VPS50: variants seen among roughly 807,000 people sequenced by gnomAD.
VPS50 encodes the protein syndetin.
Under a neutral mutation model 139.7 loss-of-function variants are expected in VPS50, and 70 were observed. The ratio of observed to expected loss-of-function variants is 0.50; its 90% CI spans 0.41 to 0.61. The LOEUF is 0.61. Among genes scored for constraint, VPS50 ranks in the 20% least tolerant of loss-of-function variants. The pLI is 0.00. For missense variants in VPS50, 921 were observed against 1,133.7 expected (o/e 0.81, Z 2.69); for synonymous variants, 365 against 376.7 (o/e 0.97, Z 0.36).
chr7:93,280,718 T>G (rs1489111427), intron 12 of VPS50, among the ~76,000 whole-genome samples: 1 of 152,150 alleles, frequency 6.6e-6, no homozygotes, highest in Non-Finnish European at 1.5e-5. Context: ...TTCAAGATGC[T>G]AATTAGGATG....
At chr7:93,333,006 G>A (rs1420489450) in intron 21 of VPS50, among the ~76,000 whole-genome samples, 1 of 152,058 alleles carries the variant, frequency 6.6e-6, no homozygotes, top group Non-Finnish European at 1.5e-5. Flanking sequence ...TTAAGGGGGA[G>A]GGAACTCTAT....
intron 12 of VPS50, among the ~76,000 whole-genome samples, chr7:93,290,538 A>G (rs928983309): frequency 1.3e-5 from 2 of 149,950 alleles, no homozygotes; most frequent in African/African-American, 4.9e-5. Flanking sequence ...GAATTTTCTT[A>G]AAGCCCACTT....
At chr7:93,249,456 A>G (rs1329490011) in intron 2 of VPS50, among the ~76,000 whole-genome samples, 1 of 152,124 alleles carries the variant, frequency 6.6e-6, no homozygotes, top group African/African-American at 2.4e-5. Flanking sequence ...TCAATCAATT[A>G]GGTACTATAT....
At chr7:93,351,684 C>A (rs969488484) in intron 25 of VPS50, among the ~76,000 whole-genome samples, 2 of 152,114 alleles carry the variant, frequency 1.3e-5, no homozygotes, top group African/African-American at 4.8e-5. Flanking sequence ...ATGACCTAAT[C>A]ACTTTTAAAA....
At chr7:93,240,039 TG>T (rs1490284132) in intron 2 of VPS50, 105 bp downstream of exon 2, 2 of 726,206 alleles carry the variant, frequency 2.8e-6, no homozygotes, top group Non-Finnish European at 4.9e-6. Context: ...CACAGGCAGA[TG>T]GTTGTTAAGA....
chr7:93,286,231 G>T (rs1796481497), intron 12 of VPS50, among the ~76,000 whole-genome samples: 1 of 151,948 alleles, frequency 6.6e-6, no homozygotes, highest in Non-Finnish European at 1.5e-5. Flanking sequence ...TAGCTCTTGG[G>T]GATGTCTTAC....
At chr7:93,352,632 T>A (rs1798591411) in intron 25 of VPS50, among the ~76,000 whole-genome samples, 5 of 152,120 alleles carry the variant, frequency 3.3e-5, no homozygotes, top group Admixed American at 3.3e-4. Flanking sequence ...CAGGGAACAG[T>A]CAACAGCATT....
In VPS50 at chr7:93,353,721, G is replaced by A; in HGVS notation, c.2545G>A (p.Glu849Lys). The change falls in exon 26 of 28, where the codon GAA becomes AAA. Residue 849 changes from glutamate (E) to lysine (K), a missense_variant. Physicochemically the swap from Glu to Lys is moderately conservative, Grantham distance 56. Coordinates refer to ENST00000305866, the MANE Select transcript of VPS50 (RefSeq NM_017667.4). Reference protein sequence around the residue: ...IPLPVSNILWEHCIRLANRTI... With the variant: ...IPLPVSNILWKHCIRLANRTI... Reference sequence around the variant, plus strand: ...CTTGCCTGTGTCTAATATACTTTGGGAACATTGTATACGATTGGCTAATCG... The same window carrying A: ...CTTGCCTGTGTCTAATATACTTTGGAAACATTGTATACGATTGGCTAATCG... The A allele has an allele frequency of 6.2e-7, 1 of 1,611,522 alleles. No individual in the cohort carries two copies. The highest frequency in any genetic ancestry group is 1.1e-5 in the South Asian group (1 of 90,864).
At chr7:93,301,098 C>T (rs1211499227) in intron 16 of VPS50, among the ~76,000 whole-genome samples, 1 of 151,954 alleles carries the variant, frequency 6.6e-6, no homozygotes, top group African/African-American at 2.4e-5. Context: ...AGTTCAAGAC[C>T]AGCCTGGCCA....
chr7:93,340,810 A>T (rs1475353046), intron 22 of VPS50: 1 of 152,256 alleles, frequency 6.6e-6, no homozygotes, highest in East Asian at 1.9e-4. Flanking sequence ...ATGGCTGTGT[A>T]ACTGAATCAG....
chr7:93,288,166 G>A (rs1305119626), intron 12 of VPS50, among the ~76,000 whole-genome samples: 2 of 152,062 alleles, frequency 1.3e-5, no homozygotes, highest in African/African-American at 2.4e-5. Context: ...GGGGAAAACC[G>A]CCCCGCCCTT....
At position 93,311,263 on chromosome 7, in the gene VPS50, A is replaced by C. The variant is rs775498487; in HGVS notation, c.1846A>C (p.Arg616=). The C allele has an allele frequency of 8.6e-7, 1 of 1,169,054 alleles. No homozygotes were observed. The allele number at this position is 1,169,054 out of a possible 1,614,324, so 72.4% of individuals were successfully genotyped here. Residue 616 remains arginine, a synonymous_variant, in exon 20 of 28, where the codon AGA becomes CGA. Transcript: ENST00000305866. ...AACAAATACAACATTGAACGTCATA[A>C]GACTTGTTGGTAAGTAGCTACACCT... ...ILTNTTLNVI[R]LVGKYMQMMN...
intron 20 of VPS50, chr7:93,320,621 TC>T (rs1562885773): frequency 1.3e-5 from 2 of 152,508 alleles, no homozygotes; most frequent in African/African-American, 4.8e-5. Context: ...CGCCTCGGCC[TC>T]CCAAAGTGCT....
chr7:93,252,684 G>A lies in VPS50; in HGVS notation c.134G>A (p.Ser45Asn). The A allele has an allele frequency of 6.2e-7, 1 of 1,603,232 alleles. No individual in the cohort carries two copies. Residue 45 changes from serine (S) to asparagine (N), a missense_variant, in exon 3 of 28, where the codon AGT becomes AAT. Around this residue, in one of 3 missense-constraint regions of VPS50, gnomAD observed 744 missense variants for 930.6 expected, o/e 0.80. Transcript: ENST00000305866. ...TTCAGGGAACTTCGAGAACAGCCAA[G>A]TGACCCTCAAGCTGAACAAGAGCTT... ...EEFRELREQP[S>N]DPQAEQELIN...
intron 20 of VPS50, 112 bp downstream of exon 20, chr7:93,311,384 G>C: frequency 1.6e-6 from 1 of 616,840 alleles, no homozygotes; most frequent in South Asian, 2.2e-5. Flanking sequence ...TATGCAATGA[G>C]GGATTTAAGG....
At chr7:93,238,313 A>T (rs1422364997) in intron 1 of VPS50, among the ~76,000 whole-genome samples, 1 of 149,472 alleles carries the variant, frequency 6.7e-6, no homozygotes, top group Admixed American at 6.6e-5. Flanking sequence ...TTTTTTTTCC[A>T]GCGAGCATTC....
Position 93,297,100 on chromosome 7 carries a change from A to G in VPS50, c.1263-45A>G, listed in dbSNP as rs73712826. The G allele has an allele frequency of 8.3e-4, 1,276 of 1,539,068 alleles. 12 individuals are homozygous for G. The African/African-American group carries it at 0.017, about 20-fold the overall frequency. ...AGAGAAACCACACTTCTTTTTCTCT[A>G]TAAGGCTGCTGCTGAAATTTACTGA... On this transcript the variant is annotated intron_variant, in intron 15 of 27. Transcript: ENST00000305866.
At chr7:93,252,400 A>C (rs1033288899) in intron 2 of VPS50, among the ~76,000 whole-genome samples, 2 of 152,046 alleles carry the variant, frequency 1.3e-5, no homozygotes, top group Admixed American at 1.3e-4. Flanking sequence ...ATTTTTATCA[A>C]CCTTGTTGAT....
intron 24 of VPS50, among the ~76,000 whole-genome samples, 161 bp from the exon 25 acceptor site, chr7:93,349,714 T>G (rs1031603900): frequency 1.3e-5 from 2 of 152,218 alleles, no homozygotes; most frequent in Non-Finnish European, 2.9e-5. Flanking sequence ...GGCCTTTGCC[T>G]TCACTCAAAT....
Sources: gnomAD v4.1 joint callset for allele counts (sites outside exome capture counted in the v4.1 genomes callset) on GRCh38, gnomAD v4.1.1 for gene constraint, gnomAD v4.1.1 regional missense constraint, MANE v1.5 for transcripts, NCBI Gene and HGNC (gene_info 2026-07-23, HGNC 2026-07-21) for gene names.